NTSR1: variants seen among roughly 807,000 people sequenced by gnomAD.
The protein encoded by NTSR1 is neurotensin receptor 1.
NTSR1 carries 29 observed loss-of-function variants against 31.2 expected under a neutral mutation model. That is an observed-to-expected ratio of 0.93 (90% CI 0.69 to 1.27). The LOEUF (loss-of-function observed/expected upper bound fraction) is 1.27, where lower values mean the gene tolerates loss of function less well. Among genes scored for constraint, NTSR1 ranks in the 50% most tolerant of loss-of-function variants. The pLI is 0.00. For missense variants in NTSR1, 697 were observed against 595.4 expected (o/e 1.17, Z -1.78); for synonymous variants, 282 against 269.9 (o/e 1.04, Z -0.44).
rs572191596 is a variant in NTSR1, at chr20:62,709,320, C to A, written c.113C>A (p.Ala38Asp). ...CTGCTGGCCCCGGGCTTCGGCAACGCTTCGGGCAACGCGTCGGAGCGCGTC... is the reference window on the plus strand; with the variant it reads ...CTGCTGGCCCCGGGCTTCGGCAACGATTCGGGCAACGCGTCGGAGCGCGTC... ...EALLAPGFGN[A>D]SGNASERVLA... Residue 38 changes from alanine to aspartate, a missense_variant, in exon 1 of 4, where the codon GCT becomes GAT. By Grantham distance (126) the Ala-to-Asp change is moderately radical (BLOSUM62 -2). Transcript: ENST00000370501. 5.0e-6 allele frequency: 8 copies of A among 1,607,504 alleles called. No homozygotes were observed. In the Admixed American group the frequency reaches 6.7e-5, roughly 13 times the overall value.
intron 1 of NTSR1, among the ~76,000 whole-genome samples, chr20:62,722,728 G>A (rs985599139): frequency 3.3e-5 from 5 of 152,206 alleles, no homozygotes; most frequent in Non-Finnish European, 5.9e-5. Flanking sequence ...ATGCCCTTAG[G>A]GACCACAGTC....
At position 62,709,305 on chromosome 20, in the gene NTSR1, C is replaced by G. The variant is rs771454556; in HGVS notation, c.98C>G (p.Pro33Arg). Residue 33 changes from proline (P) to arginine (R), a missense_variant, in exon 1 of 4, where the codon CCG becomes CGG. Pro to Arg is a moderately radical substitution (Grantham distance 103). Transcript: ENST00000370501. Reference protein sequence around the residue: ...QAGLEEALLAPGFGNASGNAS... With the variant: ...QAGLEEALLARGFGNASGNAS... ...GGACTGGAGGAGGCGCTGCTGGCCC[C>G]GGGCTTCGGCAACGCTTCGGGCAAC... 6 of 1,601,556 alleles carry G rather than the reference C, an allele frequency of 3.7e-6. No individual in the cohort carries two copies. In the Admixed American group the frequency reaches 1.0e-4, roughly 27 times the overall value.
chr20:62,750,083 C>G (rs182221975), intron 1 of NTSR1, among the ~76,000 whole-genome samples: 154 of 152,294 alleles, frequency 1.0e-3, no homozygotes, highest in Non-Finnish European at 1.4e-3. Flanking sequence ...ATCGAGAGAG[C>G]GTGGTGCAGA....
intron 1 of NTSR1, among the ~76,000 whole-genome samples, chr20:62,726,765 G>T (rs1290446331): frequency 6.6e-6 from 1 of 152,124 alleles, no homozygotes; most frequent in Non-Finnish European, 1.5e-5. Context: ...TAGGTGAGGA[G>T]GAACAGGTCC....
Position 62,732,105 on chromosome 20 carries a change from G to C in NTSR1, c.714+22184G>C, listed in dbSNP as rs1989010071. On this transcript the variant is annotated intron_variant, in intron 1 of 3. Transcript: ENST00000370501. The surrounding 1 kb of genome is among the most constrained non-coding windows in gnomAD (Gnocchi z 4.0). ...ACCATACTCCAGCCTGGGCGACAGA[G>C]TGAGACTCCATTTCAAAAAAAAAAA... Among the ~76,000 whole-genome samples the C allele has an allele frequency of 7.5e-6, 1 of 132,918 alleles. No homozygotes were observed. The highest frequency in any genetic ancestry group is 1.6e-5 in the Non-Finnish European group (1 of 62,694). The allele number at this position is 132,918 out of a possible 152,430, so 87.2% of individuals were successfully genotyped here. A position where few individuals can be genotyped will look rare whatever the true frequency, so the allele number is the denominator to read the frequency against.
Position 62,741,445 on chromosome 20 carries a change from C to G in NTSR1, c.715-13240C>G, listed in dbSNP as rs1370321558. Among the ~76,000 whole-genome samples, 1 of 149,736 alleles carries G rather than the reference C, an allele frequency of 6.7e-6. No individual in the cohort carries two copies. Among genetic ancestry groups the G allele is most frequent in the Non-Finnish European group, 1.5e-5 (1 of 68,024 alleles). On this transcript the variant is annotated intron_variant, in intron 1 of 3. Coordinates refer to ENST00000370501, the MANE Select transcript of NTSR1 (RefSeq NM_002531.3). The surrounding 1 kb of genome is among the most constrained non-coding windows in gnomAD (Gnocchi z 4.3). Reference sequence around the variant, plus strand: ...CACCAGCCCCGCTCAGAGGACGGGTCTGCAGGTGGCCAGAGTTCTCCTGAT... The same window carrying G: ...CACCAGCCCCGCTCAGAGGACGGGTGTGCAGGTGGCCAGAGTTCTCCTGAT...
In NTSR1 at chr20:62,741,254, A is replaced by C. The variant is rs541566893; in HGVS notation, c.715-13431A>C. ...TCCCGCAGCTCAGCCGGGCACAGAC[A>C]GGATGTGGCTTCCAGGGGCTTCTGT... On this transcript the variant is annotated intron_variant, in intron 1 of 3. Coordinates refer to ENST00000370501, the MANE Select transcript of NTSR1 (RefSeq NM_002531.3). The surrounding 1 kb of genome is among the most constrained non-coding windows in gnomAD (Gnocchi z 4.3). Among the ~76,000 whole-genome samples, 1 of 152,358 alleles carries C rather than the reference A, an allele frequency of 6.6e-6. No homozygotes were observed. Among genetic ancestry groups the C allele is most frequent in the East Asian group, 1.9e-4 (1 of 5,186 alleles).
At chr20:62,756,201 C>A (rs1989510423) in intron 2 of NTSR1, among the ~76,000 whole-genome samples, 1 of 152,126 alleles carries the variant, frequency 6.6e-6, no homozygotes, top group Admixed American at 6.5e-5. Flanking sequence ...CCACCACCAC[C>A]CCTGACTACA....
intron 1 of NTSR1, among the ~76,000 whole-genome samples, chr20:62,735,745 G>A (rs1989080195): frequency 6.6e-6 from 1 of 152,198 alleles, no homozygotes; most frequent in Non-Finnish European, 1.5e-5. Flanking sequence ...TCCTGAGGCT[G>A]GCGTGCAGGG....
rs2147130332 is a variant in NTSR1, at chr20:62,711,198, C to T, written c.714+1277C>T. On this transcript the variant is annotated intron_variant, in intron 1 of 3. Transcript: ENST00000370501. The surrounding 1 kb of genome is among the most constrained non-coding windows in gnomAD (Gnocchi z 6.4). ...CCAGTCTCCCTGGCTGCACATAGAA[C>T]TGGTGGCTACAGGTGTCCCATCTCG... 6.6e-6 allele frequency among the ~76,000 whole-genome samples: 1 copy of T among 152,266 alleles called. No individual in the cohort carries two copies. The highest frequency in any genetic ancestry group is 2.1e-4 in the South Asian group (1 of 4,828).
rs1330158984 is a variant in NTSR1, at chr20:62,741,279, T to A, written c.715-13406T>A. 7.3e-6 allele frequency among the ~76,000 whole-genome samples: 1 copy of A among 136,422 alleles called. No homozygotes were observed. Among genetic ancestry groups the A allele is most frequent in the Non-Finnish European group, 1.5e-5 (1 of 67,586 alleles). 89.5% of individuals were successfully genotyped at this position (136,422 alleles called of 152,430 possible). On this transcript the variant is annotated intron_variant, in intron 1 of 3. Transcript: ENST00000370501. This position sits in a 1 kb window ranked among gnomAD's most constrained non-coding sequence, Gnocchi z 4.3. ...AGGATGTGGCTTCCAGGGGCTTCTG[T>A]TCTGCCAAGTCCCCACTCAGACAAT...
At chr20:62,716,666 T>C (rs1600718808) in intron 1 of NTSR1, among the ~76,000 whole-genome samples, 1 of 99,548 alleles carries the variant, frequency 1.0e-5, no homozygotes, top group Admixed American at 1.0e-4. Context: ...TCAAGGCTGT[T>C]TCGGGTGGCC....
At position 62,734,722 on chromosome 20, in the gene NTSR1, C is replaced by T. The variant is rs143063826; in HGVS notation, c.715-19963C>T. On this transcript the variant is annotated intron_variant, in intron 1 of 3. Coordinates refer to ENST00000370501, the MANE Select transcript of NTSR1 (RefSeq NM_002531.3). ...ATGAGCTTCAGCCTGAAATCCGCACCGGGTTTTAGAGTTAATGCGGAAAGG... is the reference window on the plus strand; with the variant it reads ...ATGAGCTTCAGCCTGAAATCCGCACTGGGTTTTAGAGTTAATGCGGAAAGG... Among the ~76,000 whole-genome samples the T allele has an allele frequency of 6.8e-3, 1,010 of 148,402 alleles. 7 individuals carry two copies. The highest frequency in any genetic ancestry group is 0.025 in the African/African-American group (958 of 38,488).
rs1759358476 is a variant in NTSR1 at position 62,744,569 on chromosome 20, AT to A, written c.715-10115del. Among the ~76,000 whole-genome samples the A allele has an allele frequency of 6.6e-6, 1 of 151,256 alleles. No homozygotes were observed. The highest frequency in any genetic ancestry group is 2.4e-5 in the African/African-American group (1 of 41,066). On this transcript the variant is annotated intron_variant, in intron 1 of 3. Coordinates refer to ENST00000370501, the MANE Select transcript of NTSR1 (RefSeq NM_002531.3). This position sits in a 1 kb window ranked among gnomAD's most constrained non-coding sequence, Gnocchi z 4.1. ...GACTCCGTCTCAAAAAAAAAAAAAAATACAAAATTAGCCAGGCATGGTGGCA... is the reference window on the plus strand; with the variant it reads ...GACTCCGTCTCAAAAAAAAAAAAAAAACAAAATTAGCCAGGCATGGTGGCA...
Position 62,709,685 on chromosome 20 carries a change from G to A in NTSR1, c.478G>A (p.Ala160Thr). Reference protein sequence around the residue: ...ACTYATALNVASLSVERYLAI... With the variant: ...ACTYATALNVTSLSVERYLAI... ...CACCTACGCCACGGCCCTCAACGTG[G>A]CCAGCCTGAGTGTGGAGCGCTACCT... is the stretch of plus-strand genomic sequence containing the variant. The change falls in exon 1 of 4, where the codon GCC (alanine) becomes ACC (threonine). Residue 160 changes from alanine (A) to threonine (T), a missense_variant. By Grantham distance (58) the Ala-to-Thr change is moderately conservative. Coordinates refer to ENST00000370501, the MANE Select transcript of NTSR1 (RefSeq NM_002531.3). 1.1e-5 allele frequency: 17 copies of A among 1,612,738 alleles called. No homozygotes were observed. The highest frequency in any genetic ancestry group is 1.3e-5 in the Non-Finnish European group (15 of 1,179,878).
At position 62,732,119 on chromosome 20, in the gene NTSR1, CAAA is replaced by C. The variant is rs11484429; in HGVS notation, c.714+22212_714+22214del. Among the ~76,000 whole-genome samples, 2 of 145,264 alleles carry C rather than the reference CAAA, an allele frequency of 1.4e-5. No individual in the cohort carries two copies. Among genetic ancestry groups the C allele is most frequent in the African/African-American group, 2.6e-5 (1 of 39,088 alleles). ...TGGGCGACAGAGTGAGACTCCATTT[CAAA>C]AAAAAAAAAAAAATTACACTGTACC... On this transcript the variant is annotated intron_variant, in intron 1 of 3. Coordinates refer to ENST00000370501, the MANE Select transcript of NTSR1 (RefSeq NM_002531.3). This position sits in a 1 kb window ranked among gnomAD's most constrained non-coding sequence, Gnocchi z 4.0.
At chr20:62,737,279 C>T (rs6010627) in intron 1 of NTSR1, among the ~76,000 whole-genome samples, 111,269 of 152,116 alleles carry the variant, frequency 0.73, 41,566 homozygotes, top group East Asian at 0.91. Context: ...TTGGCCACAG[C>T]GGCCACAGTG....
chr20:62,710,028 C>T, intron 1 of NTSR1, 107 bp downstream of exon 1: 1 of 995,990 alleles, frequency 1.0e-6, no homozygotes, highest in Non-Finnish European at 1.5e-6. Flanking sequence ...CAGAGACAGT[C>T]TACTCCTGCG....
intron 1 of NTSR1, among the ~76,000 whole-genome samples, chr20:62,739,070 G>A (rs56720941): frequency 0.023 from 3,238 of 140,252 alleles, 115 homozygotes; most frequent in African/African-American, 0.081. Flanking sequence ...CTGTTGTAAA[G>A]GAAAGCCCTG....
Sources: gnomAD v4.1 joint callset for allele counts (sites outside exome capture counted in the v4.1 genomes callset) on GRCh38, gnomAD v4.1.1 for gene constraint, Gnocchi (gnomAD v3.1) non-coding constraint, MANE v1.5 for transcripts, NCBI Gene and HGNC (gene_info 2026-07-23, HGNC 2026-07-21) for gene names.